CDK14: variants seen among roughly 807,000 people sequenced by gnomAD.
CDK14 encodes cyclin-dependent kinase 14.
CDK14 carries 34 observed loss-of-function variants against 60.7 expected under a neutral mutation model. The ratio of observed to expected loss-of-function variants is 0.56; its 90% CI spans 0.43 to 0.75. The LOEUF (loss-of-function observed/expected upper bound fraction) is 0.75, where lower values mean the gene tolerates loss of function less well. Among genes scored for constraint, CDK14 ranks in the 30% least tolerant of loss-of-function variants. CDK14 has a pLI of 0.00. For missense variants in CDK14, 482 were observed against 564.1 expected (o/e 0.85, Z 1.47); for synonymous variants, 197 against 203.7 (o/e 0.97, Z 0.28).
chr7:91,119,972 C>T (rs1799733119), intron 14 of CDK14, among the ~76,000 whole-genome samples: 1 of 152,118 alleles, frequency 6.6e-6, no homozygotes, highest in Non-Finnish European at 1.5e-5. Context: ...CAAGCTACCT[C>T]CTGGTATTGA....
chr7:91,025,885 C>T (rs1796556662), intron 10 of CDK14, among the ~76,000 whole-genome samples: 1 of 152,172 alleles, frequency 6.6e-6, no homozygotes, highest in Non-Finnish European at 1.5e-5. Context: ...AATATTTTAT[C>T]TTTCAAAAAT....
intron 14 of CDK14, among the ~76,000 whole-genome samples, chr7:91,137,999 C>T (rs779470607): frequency 3.9e-5 from 6 of 152,136 alleles, no homozygotes; most frequent in Non-Finnish European, 7.4e-5. Flanking sequence ...TTAAACTAAA[C>T]AGATGAAAAT....
chr7:90,617,685 T>C (rs1169510066), intron 2 of CDK14, among the ~76,000 whole-genome samples: 5 of 152,228 alleles, frequency 3.3e-5, no homozygotes, highest in Admixed American at 3.3e-4. Flanking sequence ...AGGTTTTAGA[T>C]TTCAGTTTCA....
rs568846772 is a variant in CDK14 at position 90,810,152 on chromosome 7, G to A, written c.544+19500G>A. Reference sequence around the variant, plus strand: ...GGCATCATCCTGATACCAAAGCCTGGCAGAGACACAACAAAAAAAGAGAAT... The same window carrying A: ...GGCATCATCCTGATACCAAAGCCTGACAGAGACACAACAAAAAAAGAGAAT... On this transcript the variant is annotated intron_variant, in intron 5 of 14. Coordinates refer to ENST00000380050, the MANE Select transcript of CDK14 (RefSeq NM_001287135.2). 3.9e-5 allele frequency among the ~76,000 whole-genome samples: 6 copies of A among 152,192 alleles called. No homozygotes were observed. In the East Asian group the frequency reaches 9.6e-4, roughly 24 times the overall value.
rs558246565 is a variant in CDK14, at chr7:90,695,160, C to T, written c.124-31407C>T. ...TACACTTCATCTTTCACCTGTGCTC[C>T]TTCCTTGTCCCCCACTTTCCCCAGA... On this transcript the variant is annotated intron_variant, in intron 2 of 14. Coordinates refer to ENST00000380050, the MANE Select transcript of CDK14 (RefSeq NM_001287135.2). Among the ~76,000 whole-genome samples, 188 of 152,290 alleles carry T rather than the reference C, an allele frequency of 1.2e-3. 1 individual carries two copies. Among genetic ancestry groups the T allele is most frequent in the Middle Eastern group, 3.4e-3 (1 of 294 alleles).
At chr7:91,161,484 G>T (rs1801167190) in intron 14 of CDK14, among the ~76,000 whole-genome samples, 1 of 152,206 alleles carries the variant, frequency 6.6e-6, no homozygotes, top group African/African-American at 2.4e-5. Flanking sequence ...CACTACCAGA[G>T]CAGAGTGAGA....
chr7:90,637,399 A>C (rs1261661883), intron 2 of CDK14, among the ~76,000 whole-genome samples: 1 of 152,122 alleles, frequency 6.6e-6, no homozygotes, highest in Admixed American at 6.5e-5. Flanking sequence ...TGTACCCTGT[A>C]GTCATTCAGG....
At chr7:90,888,039 T>C (rs1378639544) in intron 6 of CDK14, among the ~76,000 whole-genome samples, 1 of 152,154 alleles carries the variant, frequency 6.6e-6, no homozygotes. Flanking sequence ...GATTATGTGT[T>C]CCAGAATTAC....
At chr7:91,090,449 G>A (rs1798768582) in intron 12 of CDK14, among the ~76,000 whole-genome samples, 1 of 152,136 alleles carries the variant, frequency 6.6e-6, no homozygotes, top group Non-Finnish European at 1.5e-5. Flanking sequence ...TAGTGCAATT[G>A]AGGAACTGAA....
At chr7:91,157,704 G>A (rs1312920615) in intron 14 of CDK14, among the ~76,000 whole-genome samples, 3 of 152,220 alleles carry the variant, frequency 2.0e-5, no homozygotes, top group Admixed American at 6.5e-5. Context: ...AGAAGTGACT[G>A]TAATGATACA....
At chr7:91,157,811 T>A (rs970014900) in intron 14 of CDK14, among the ~76,000 whole-genome samples, 5 of 152,196 alleles carry the variant, frequency 3.3e-5, no homozygotes, top group African/African-American at 1.2e-4. Flanking sequence ...TGGGCATTAG[T>A]ATCTGTAATT....
At chr7:91,013,661 T>G (rs1203726706) in intron 10 of CDK14, among the ~76,000 whole-genome samples, 1 of 150,918 alleles carries the variant, frequency 6.6e-6, no homozygotes, top group Admixed American at 6.6e-5. Flanking sequence ...CCTCTGTTTT[T>G]TTTTTTTTTT....
chr7:90,717,614 A>G lies in CDK14; in HGVS notation c.124-8953A>G, dbSNP rs1802293896. The stretch of plus-strand genomic sequence containing the variant: ...TTAAAACTAAATCGCAATGTTAGAC[A>G]TTGAATTCTGATGAATGGAAACATC... On this transcript the variant is annotated intron_variant, in intron 2 of 14. Transcript: ENST00000380050. Among the ~76,000 whole-genome samples the G allele has an allele frequency of 2.6e-5, 4 of 152,272 alleles. No homozygotes were observed. The South Asian group carries it at 8.3e-4, about 32-fold the overall frequency.
At chr7:91,013,656 G>GTTTTTTTTTTTTTTTTT (rs56934476) in intron 10 of CDK14, among the ~76,000 whole-genome samples, 22 of 123,380 alleles carry the variant, frequency 1.8e-4, no homozygotes, top group Non-Finnish European at 2.0e-4. Context: ...CATTGCCTCT[G>GTTTTTTTTTTTTTTTTT]TTTTTTTTTT....
At chr7:90,683,555 C>T (rs1362332035) in intron 2 of CDK14, among the ~76,000 whole-genome samples, 2 of 152,230 alleles carry the variant, frequency 1.3e-5, no homozygotes, top group African/African-American at 4.8e-5. Flanking sequence ...AATCCCAGCA[C>T]TTTGGGAGGC....
At chr7:90,831,528 G>A (rs1238049961) in intron 5 of CDK14, among the ~76,000 whole-genome samples, 1 of 152,152 alleles carries the variant, frequency 6.6e-6, no homozygotes, top group Non-Finnish European at 1.5e-5. Context: ...TTTTAGATTA[G>A]ATTTTTGGGA....
rs180827481 is a variant in CDK14 at position 90,661,665 on chromosome 7, G to A, written c.123+57416G>A. On this transcript the variant is annotated intron_variant, in intron 2 of 14. Transcript: ENST00000380050. ...GGTCATCTGGTGACTAGTTTTTAAC[G>A]GGTTTCTAATCCTTGTGTGCTGGGA... Among the ~76,000 whole-genome samples the A allele has an allele frequency of 2.3e-3, 351 of 152,210 alleles. 1 individual carries two copies. The highest frequency in any genetic ancestry group is 7.5e-3 in the African/African-American group (313 of 41,526).
rs148117424 is a variant in CDK14, at chr7:90,939,387, C to T, written c.827-16310C>T. Among the ~76,000 whole-genome samples, 25 of 152,268 alleles carry T rather than the reference C, an allele frequency of 1.6e-4. No individual in the cohort carries two copies. In the East Asian group the frequency reaches 4.6e-3, roughly 28 times the overall value. ...AAGATAAGTTTGAGTTTCATTGCTGCCAGCTCTTTATGGCAGTCTTCTGTG... is the reference window on the plus strand; with the variant it reads ...AAGATAAGTTTGAGTTTCATTGCTGTCAGCTCTTTATGGCAGTCTTCTGTG... On this transcript the variant is annotated intron_variant, in intron 8 of 14. Coordinates refer to ENST00000380050, the MANE Select transcript of CDK14 (RefSeq NM_001287135.2).
chr7:90,843,537 A>G (rs1470247079), intron 5 of CDK14, among the ~76,000 whole-genome samples: 1 of 152,170 alleles, frequency 6.6e-6, no homozygotes, highest in Non-Finnish European at 1.5e-5. Context: ...CAATACATCT[A>G]ATCATATTCC....
Sources: allele counts gnomAD v4.1 joint callset (sites outside exome capture counted in the v4.1 genomes callset), GRCh38; gene constraint gnomAD v4.1.1; transcripts MANE v1.5; gene names NCBI Gene and HGNC (gene_info 2026-07-23, HGNC 2026-07-21).